The following BCL2 variants were observed in gnomAD, a reference collection of about 807,000 sequenced individuals.
BCL2 encodes BCL2 apoptosis regulator, also known as apoptosis regulator Bcl-2.
A neutral mutation model predicts 14.2 loss-of-function variants in BCL2; 1 was observed. The observed-to-expected ratio is 0.07, with a 90% confidence interval of 0.02 to 0.33. The LOEUF is 0.33. Ranked by LOEUF, BCL2 falls within the 10% of genes least tolerant of loss-of-function variation. BCL2 has a pLI of 0.99. For missense variants in BCL2, 247 were observed against 305.9 expected (o/e 0.81, Z 1.44); for synonymous variants, 151 against 137.2 (o/e 1.10, Z -0.70).
At chr18:63,235,298 G>A (rs1180948193) in intron 2 of BCL2, among the ~76,000 whole-genome samples, 1 of 152,160 alleles carries the variant, frequency 6.6e-6, no homozygotes, top group African/African-American at 2.4e-5. Context: ...CTTTGCTACT[G>A]GCTACATATC....
intron 2 of BCL2, among the ~76,000 whole-genome samples, chr18:63,138,131 G>C (rs1381799093): frequency 6.6e-6 from 1 of 152,250 alleles, no homozygotes; most frequent in Non-Finnish European, 1.5e-5. Flanking sequence ...TGCAGAAAGA[G>C]CGCTCCATGA....
chr18:63,243,722 C>T (rs762277563), intron 2 of BCL2, among the ~76,000 whole-genome samples: 1 of 152,114 alleles, frequency 6.6e-6, no homozygotes, highest in Non-Finnish European at 1.5e-5. Context: ...GCCTCTTAGG[C>T]TGTGTTTACA....
intron 2 of BCL2, among the ~76,000 whole-genome samples, chr18:63,271,254 C>A (rs1416069085): frequency 6.6e-6 from 1 of 152,132 alleles, no homozygotes; most frequent in Non-Finnish European, 1.5e-5. Flanking sequence ...TCTTGGAATT[C>A]TTATAAAATA....
intron 2 of BCL2, among the ~76,000 whole-genome samples, chr18:63,216,960 A>G (rs1910224307): frequency 6.6e-6 from 1 of 152,134 alleles, no homozygotes. Context: ...ATTCAGGGGG[A>G]GGATGGTGGC....
At chr18:63,177,753 C>T (rs1318745903) in intron 2 of BCL2, among the ~76,000 whole-genome samples, 1 of 152,128 alleles carries the variant, frequency 6.6e-6, no homozygotes, top group East Asian at 1.9e-4. Flanking sequence ...CAAGAAACAG[C>T]CCCCAAGAAG....
chr18:63,189,723 A>C (rs1235473950), intron 2 of BCL2, among the ~76,000 whole-genome samples: 4 of 125,650 alleles, frequency 3.2e-5, no homozygotes, highest in African/African-American at 1.2e-4. Context: ...CATCCAATGA[A>C]GTGCTGCTTT....
chr18:63,275,173 G>T (rs1259592882), intron 2 of BCL2, among the ~76,000 whole-genome samples: 1 of 151,544 alleles, frequency 6.6e-6, no homozygotes, highest in Non-Finnish European at 1.5e-5. Context: ...GCTTGAGGCT[G>T]CAGGGAGCCA....
At chr18:63,204,650 A>AC (rs928610158) in intron 2 of BCL2, among the ~76,000 whole-genome samples, 5 of 152,330 alleles carry the variant, frequency 3.3e-5, no homozygotes, top group Admixed American at 3.3e-4. Flanking sequence ...GTTGTTTTAA[A>AC]CCACTATGTT....
chr18:63,225,048 AAAG>A (rs1173435569), intron 2 of BCL2, among the ~76,000 whole-genome samples: 33 of 152,282 alleles, frequency 2.2e-4, no homozygotes, highest in African/African-American at 6.3e-4. Context: ...ATCACCAAGA[AAAG>A]AAGGAGAACT....
intron 2 of BCL2, among the ~76,000 whole-genome samples, chr18:63,255,833 C>G (rs79806744): frequency 0.029 from 4,331 of 151,836 alleles, 204 homozygotes; most frequent in African/African-American, 0.099. Context: ...GCCCTCCCCC[C>G]CCGCCACACA....
intron 2 of BCL2, among the ~76,000 whole-genome samples, chr18:63,170,831 T>A (rs1915204821): frequency 6.6e-6 from 1 of 152,264 alleles, no homozygotes; most frequent in Non-Finnish European, 1.5e-5. Flanking sequence ...GGACGGTCAC[T>A]GGGCTCACAA....
rs116424485 is a variant in BCL2 at position 63,272,473 on chromosome 18, C to T, written c.585+45609G>A. Among the ~76,000 whole-genome samples the T allele has an allele frequency of 2.2e-3, 329 of 152,204 alleles. 1 individual carries two copies. Among genetic ancestry groups the T allele is most frequent in the African/African-American group, 7.0e-3 (291 of 41,536 alleles). On this transcript the variant is annotated intron_variant, in intron 2 of 2. Coordinates refer to ENST00000333681, the MANE Select transcript of BCL2 (RefSeq NM_000633.3). ...TGGTTGGATAAAAAACAAAAAACTT[C>T]GGGTAAACATCCGAGACAATTCTTG...
chr18:63,270,100 A>G (rs1911962950), intron 2 of BCL2, among the ~76,000 whole-genome samples: 2 of 152,140 alleles, frequency 1.3e-5, no homozygotes, highest in Non-Finnish European at 2.9e-5. Flanking sequence ...TTCACCTACT[A>G]TTTTCACAAG....
At chr18:63,200,157 C>T (rs1441728152) in intron 2 of BCL2, among the ~76,000 whole-genome samples, 2 of 152,192 alleles carry the variant, frequency 1.3e-5, no homozygotes, top group African/African-American at 4.8e-5. Flanking sequence ...AACCTCGCCT[C>T]CCTCAGTTCT....
At chr18:63,134,646 G>C (rs1202608004) in intron 2 of BCL2, among the ~76,000 whole-genome samples, 1 of 152,122 alleles carries the variant, frequency 6.6e-6, no homozygotes, top group East Asian at 1.9e-4. Flanking sequence ...TTATACAATC[G>C]AAGGGAATTC....
At chr18:63,251,437 A>G (rs961885774) in intron 2 of BCL2, among the ~76,000 whole-genome samples, 20 of 151,984 alleles carry the variant, frequency 1.3e-4, no homozygotes, top group African/African-American at 4.3e-4. Context: ...AGGTCAGGAG[A>G]TCGAGACCAT....
chr18:63,318,935 T>C lies in BCL2; in HGVS notation c.-269A>G. The C allele has an allele frequency of 7.4e-7, 1 of 1,350,446 alleles. No homozygotes were observed. The highest frequency in any genetic ancestry group is 1.7e-5 in the South Asian group (1 of 57,722). 83.7% of individuals were successfully genotyped at this position (1,350,446 alleles called of 1,614,324 possible). A position where few individuals can be genotyped will look rare whatever the true frequency, so the allele number is the denominator to read the frequency against. Reference sequence around the variant, plus strand: ...TATTAGTAAGTATTGTTAATATCAGTCTACTTCCTCTGTGATGCTGAAAGG... The same window carrying C: ...TATTAGTAAGTATTGTTAATATCAGCCTACTTCCTCTGTGATGCTGAAAGG... On this transcript the variant is annotated 5_prime_UTR_variant, in exon 2 of 3. Coordinates refer to ENST00000333681, the MANE Select transcript of BCL2 (RefSeq NM_000633.3). The surrounding 1 kb of genome is among the most constrained non-coding windows in gnomAD (Gnocchi z 7.4).
intron 2 of BCL2, among the ~76,000 whole-genome samples, chr18:63,221,886 A>C (rs1910399929): frequency 6.6e-6 from 1 of 152,182 alleles, no homozygotes; most frequent in African/African-American, 2.4e-5. Flanking sequence ...AATTAATACA[A>C]ACACAGTTCT....
chr18:63,248,571 T>G (rs969722724), intron 2 of BCL2, among the ~76,000 whole-genome samples: 2 of 152,230 alleles, frequency 1.3e-5, no homozygotes, highest in African/African-American at 4.8e-5. Context: ...TCTGCAGAAT[T>G]TCTCCGTGGT....
Sources: allele counts gnomAD v4.1 joint callset (sites outside exome capture counted in the v4.1 genomes callset), GRCh38; gene constraint gnomAD v4.1.1; non-coding constraint Gnocchi (gnomAD v3.1); transcripts MANE v1.5; gene names NCBI Gene and HGNC (gene_info 2026-07-23, HGNC 2026-07-21).